BTBD9: variants seen among roughly 807,000 people sequenced by gnomAD.
The protein encoded by BTBD9 is BTB domain containing 9.
In BTBD9, 49 loss-of-function variants were observed where a neutral mutation model predicts 64.3. That is an observed-to-expected ratio of 0.76 (90% CI 0.61 to 0.97). BTBD9 has a LOEUF of 0.97. Among genes scored for constraint, BTBD9 ranks in the 50% least tolerant of loss-of-function variants. BTBD9 has a pLI of 0.00. For synonymous variants in BTBD9, 260 were observed against 274.7 expected, an observed-to-expected ratio of 0.95 and a Z score of 0.53; for missense variants, 598 against 762.1, an observed-to-expected ratio of 0.78 and a Z score of 2.53.
intron 7 of BTBD9, among the ~76,000 whole-genome samples, chr6:38,344,096 T>G (rs963024838): frequency 2.0e-5 from 3 of 152,140 alleles, no homozygotes; most frequent in Non-Finnish European, 2.9e-5. Context: ...CCGGAACATA[T>G]GAAGTCCCTT....
At chr6:38,543,830 G>A (rs190805769) in intron 6 of BTBD9, among the ~76,000 whole-genome samples, 15 of 151,990 alleles carry the variant, frequency 9.9e-5, no homozygotes, top group Non-Finnish European at 1.8e-4. Context: ...GTTGGCGGGC[G>A]CCTGTAGTCC....
chr6:38,456,151 C>T (rs1455311904), intron 6 of BTBD9, among the ~76,000 whole-genome samples: 1 of 151,384 alleles, frequency 6.6e-6, no homozygotes, highest in Non-Finnish European at 1.5e-5. Flanking sequence ...CCACGCCCTG[C>T]TAATTTTTGT....
rs1471141931 is a variant in BTBD9, at chr6:38,256,383, T to C, written c.1562+26A>G. The C allele has an allele frequency of 3.3e-6, 5 of 1,533,950 alleles. No individual in the cohort carries two copies. The South Asian group carries it at 3.4e-5, about 10-fold the overall frequency. On this transcript the variant is annotated intron_variant, in intron 9 of 10. Transcript: ENST00000481247. ...GGGAAGACTGTCTTTTCAATAGGAA[T>C]AAATTCCTGAAAAGACACAACTTAC...
chr6:38,596,763 T>C (rs1389281710), intron 2 of BTBD9, among the ~76,000 whole-genome samples: 2 of 146,892 alleles, frequency 1.4e-5, no homozygotes, highest in East Asian at 2.0e-4. Context: ...ATCGCGCCAC[T>C]GCACTCCAGC....
intron 10 of BTBD9, among the ~76,000 whole-genome samples, chr6:38,176,773 CCTT>C (rs1004544966): frequency 5.3e-5 from 8 of 152,184 alleles, no homozygotes; most frequent in African/African-American, 1.4e-4. Context: ...TTAATCCACT[CCTT>C]CATCAGCTTC....
intron 6 of BTBD9, among the ~76,000 whole-genome samples, chr6:38,570,532 G>A (rs956835523): frequency 3.3e-5 from 5 of 152,092 alleles, no homozygotes; most frequent in Admixed American, 1.3e-4. Context: ...TACCACTTCT[G>A]AGGTCCTGTA....
chr6:38,564,602 T>C (rs754634629), intron 6 of BTBD9, among the ~76,000 whole-genome samples: 1 of 151,824 alleles, frequency 6.6e-6, no homozygotes, highest in South Asian at 2.1e-4. Context: ...AGAATCTCAC[T>C]ATATGGCCGA....
intron 6 of BTBD9, among the ~76,000 whole-genome samples, chr6:38,559,402 A>G (rs1451095805): frequency 6.6e-6 from 1 of 152,208 alleles, no homozygotes; most frequent in Non-Finnish European, 1.5e-5. Flanking sequence ...GGACAACTAT[A>G]AAACACTGCT....
intron 6 of BTBD9, among the ~76,000 whole-genome samples, chr6:38,501,236 A>T (rs1772182207): frequency 6.6e-6 from 1 of 152,164 alleles, no homozygotes. Flanking sequence ...AGCATCCAAG[A>T]TCCTCCAGAA....
intron 8 of BTBD9, among the ~76,000 whole-genome samples, chr6:38,267,706 A>C (rs1047458273): frequency 6.6e-6 from 1 of 152,224 alleles, no homozygotes; most frequent in African/African-American, 2.4e-5. Flanking sequence ...TTGAGAGGCC[A>C]AGGTGGGTGG....
At chr6:38,354,454 G>C (rs1001462857) in intron 6 of BTBD9, among the ~76,000 whole-genome samples, 16 of 152,050 alleles carry the variant, frequency 1.1e-4, no homozygotes, top group Non-Finnish European at 2.2e-4. Context: ...TAATACTATA[G>C]GTTCAGCTTC....
At chr6:38,298,962 C>T (rs1762272295) in intron 7 of BTBD9, among the ~76,000 whole-genome samples, 3 of 151,696 alleles carry the variant, frequency 2.0e-5, no homozygotes, top group Non-Finnish European at 2.9e-5. Flanking sequence ...CCCATTAACT[C>T]GTCATTTAGC....
chr6:38,613,630 A>T (rs1997949), intron 1 of BTBD9, among the ~76,000 whole-genome samples: 40,561 of 149,210 alleles, frequency 0.27, 5,606 homozygotes, highest in Non-Finnish European at 0.31. Context: ...TATCTTTTTT[A>T]AAAAAAAAAA....
intron 6 of BTBD9, chr6:38,566,108 A>C (rs1454246033): frequency 6.6e-6 from 1 of 152,230 alleles, no homozygotes; most frequent in Non-Finnish European, 1.5e-5. Context: ...TTGATATAGA[A>C]TAACAACCAC....
At chr6:38,371,580 G>A (rs1047585421) in intron 6 of BTBD9, among the ~76,000 whole-genome samples, 2 of 152,150 alleles carry the variant, frequency 1.3e-5, no homozygotes, top group Non-Finnish European at 1.5e-5. Context: ...CACTGCCATC[G>A]CCATGATTCA....
chr6:38,458,673 T>C (rs74534941), intron 6 of BTBD9, among the ~76,000 whole-genome samples: 17 of 152,302 alleles, frequency 1.1e-4, no homozygotes, highest in Non-Finnish European at 2.5e-4. Context: ...ACTGTGAGTT[T>C]TCACTGTAGC....
intron 9 of BTBD9, among the ~76,000 whole-genome samples, chr6:38,228,973 C>T (rs374516852): frequency 6.6e-6 from 1 of 151,622 alleles, no homozygotes; most frequent in South Asian, 2.1e-4. Context: ...CTGAGGTGGG[C>T]GGATCATGAG....
At chr6:38,322,305 A>T (rs1396844790) in intron 7 of BTBD9, among the ~76,000 whole-genome samples, 1 of 152,074 alleles carries the variant, frequency 6.6e-6, no homozygotes, top group Non-Finnish European at 1.5e-5. Context: ...TTAAAAATCC[A>T]CATGCTCTTG....
intron 9 of BTBD9, among the ~76,000 whole-genome samples, chr6:38,204,492 T>G: frequency 6.6e-6 from 1 of 152,176 alleles, no homozygotes; most frequent in East Asian, 1.9e-4. Context: ...TTATATGAAA[T>G]GTATAGAATA....
Sources: gnomAD v4.1 joint callset for allele counts (sites outside exome capture counted in the v4.1 genomes callset) on GRCh38, gnomAD v4.1.1 for gene constraint, MANE v1.5 for transcripts, NCBI Gene and HGNC (gene_info 2026-07-23, HGNC 2026-07-21) for gene names.